BPIFB1: variants seen among roughly 807,000 people sequenced by gnomAD.
The protein encoded by BPIFB1 is BPI fold containing family B member 1, also known as BPI fold-containing family B member 1.
BPIFB1 carries 34 observed loss-of-function variants against 55.1 expected under a neutral mutation model. The ratio of observed to expected loss-of-function variants is 0.62; its 90% confidence interval spans 0.47 to 0.82. The LOEUF (loss-of-function observed/expected upper bound fraction) is 0.82. BPIFB1 is among the 40% of genes least tolerant of loss of function. The pLI, the probability that BPIFB1 is intolerant of heterozygous loss-of-function variation, is 0.00. For missense variants in BPIFB1, 532 were observed against 593.1 expected, an observed-to-expected ratio of 0.90 and a Z score of 1.07; for synonymous variants, 236 against 245.3, an observed-to-expected ratio of 0.96 and a Z score of 0.35.
chr20:33,304,699 G>C, intron 12 of BPIFB1, 147 bp from the exon 13 acceptor site: 1 of 746,878 alleles, frequency 1.3e-6, no homozygotes. Flanking sequence ...TAGAATGCAA[G>C]CTCCACGACG....
At chr20:33,293,066 T>C (rs1163830668) in intron 6 of BPIFB1, among the ~76,000 whole-genome samples, 2 of 152,176 alleles carry the variant, frequency 1.3e-5, no homozygotes, top group African/African-American at 4.8e-5. Context: ...GGATGACAGA[T>C]GAGCACCACC....
At chr20:33,287,733 G>T (rs55654009) in intron 2 of BPIFB1, among the ~76,000 whole-genome samples, 12,236 of 152,220 alleles carry the variant, frequency 0.08, 1,664 homozygotes, top group African/African-American at 0.28. Flanking sequence ...TGCCCCTGGA[G>T]GAAGGGGGCT....
intron 5 of BPIFB1, among the ~76,000 whole-genome samples, chr20:33,291,446 C>A (rs969828026): frequency 6.6e-6 from 1 of 152,216 alleles, no homozygotes; most frequent in African/African-American, 2.4e-5. Flanking sequence ...CCAACACATT[C>A]TCTTCATTTG....
intron 2 of BPIFB1, among the ~76,000 whole-genome samples, chr20:33,287,669 C>T (rs116061842): frequency 3.0e-3 from 464 of 152,262 alleles, no homozygotes; most frequent in African/African-American, 0.01. Context: ...GGCAATCTGA[C>T]GCTAGTGGGT....
At chr20:33,307,075 C>A in intron 15 of BPIFB1, 88 bp downstream of exon 15, 1 of 1,238,732 alleles carries the variant, frequency 8.1e-7, no homozygotes, top group Non-Finnish European at 1.2e-6. Flanking sequence ...GCACTCCAAC[C>A]CCAGCCTACA....
In BPIFB1 at chr20:33,306,013, G is replaced by C; in HGVS notation, c.1266G>C (p.Leu422=). The C allele has an allele frequency of 6.2e-7, 1 of 1,614,118 alleles. No individual in the cohort carries two copies. The highest frequency in any genetic ancestry group is 8.5e-7 in the Non-Finnish European group (1 of 1,180,004). The change falls in exon 14 of 16, where the codon CTG becomes CTC. Residue 422 remains leucine, a synonymous_variant. Coordinates refer to ENST00000253354, the MANE Select transcript of BPIFB1 (RefSeq NM_033197.3). ...TCTCTCTCTCACAGCCTGATGTTCT[G>C]AAAAACATCATCACTGAGATCATCC... The part of the protein sequence containing the change: ...SGIGWFQPDV[L]KNIITEIIHS...
intron 10 of BPIFB1, 144 bp downstream of exon 10, chr20:33,302,556 G>A: frequency 1.1e-6 from 1 of 905,118 alleles, no homozygotes; most frequent in East Asian, 2.6e-5. Flanking sequence ...AGAGATTTCA[G>A]TCTAGCAGGC....
At chr20:33,291,225 C>A in intron 5 of BPIFB1, 119 bp downstream of exon 5, 4 of 1,295,354 alleles carry the variant, frequency 3.1e-6, no homozygotes, top group Non-Finnish European at 2.1e-6. Context: ...AGGGACTTAT[C>A]CCCTCCTGAT....
intron 1 of BPIFB1, among the ~76,000 whole-genome samples, chr20:33,284,516 G>A (rs189769038): frequency 6.6e-6 from 1 of 152,322 alleles, no homozygotes; most frequent in Non-Finnish European, 1.5e-5. Context: ...AGCTTGGTCA[G>A]GGAAGCAGAG....
chr20:33,295,214 CA>C (rs59451968), intron 6 of BPIFB1, among the ~76,000 whole-genome samples: 157 of 119,912 alleles, frequency 1.3e-3, no homozygotes, highest in East Asian at 3.8e-3. Context: ...AACTCTATCT[CA>C]AAAAAAAAAA....
intron 1 of BPIFB1, among the ~76,000 whole-genome samples, chr20:33,284,231 T>C (rs954627926): frequency 3.9e-4 from 59 of 152,324 alleles, no homozygotes; most frequent in African/African-American, 1.3e-3. Flanking sequence ...GGTAAGTCAC[T>C]TGTCAAAGAT....
chr20:33,291,183 CA>C, intron 5 of BPIFB1, 77 bp downstream of exon 5: 1 of 1,544,030 alleles, frequency 6.5e-7, no homozygotes, highest in Non-Finnish European at 8.8e-7. Flanking sequence ...CCCCATTTTA[CA>C]AATGGAGAAC....
At chr20:33,308,905 CACAT>C (rs1007494074) in intron 15 of BPIFB1, among the ~76,000 whole-genome samples, 11 of 151,358 alleles carry the variant, frequency 7.3e-5, no homozygotes, top group African/African-American at 1.9e-4. Flanking sequence ...TACATACACA[CACAT>C]ACACAGAGAC....
At chr20:33,293,625 C>T (rs1362858332) in intron 6 of BPIFB1, among the ~76,000 whole-genome samples, 2 of 152,096 alleles carry the variant, frequency 1.3e-5, no homozygotes, top group Non-Finnish European at 2.9e-5. Flanking sequence ...ATCACTTGAG[C>T]CCAGGATTTG....
chr20:33,290,580 T>C (rs938322010), intron 4 of BPIFB1, among the ~76,000 whole-genome samples: 1 of 152,134 alleles, frequency 6.6e-6, no homozygotes, highest in Non-Finnish European at 1.5e-5. Context: ...AAGTCAACGA[T>C]GACTCCAAGA....
At chr20:33,297,681 G>T (rs1015929119) in intron 7 of BPIFB1, 93 bp downstream of exon 7, 1 of 1,318,288 alleles carries the variant, frequency 7.6e-7, no homozygotes, top group Non-Finnish European at 1.1e-6. Flanking sequence ...CCCAAGTCAG[G>T]CCTGAGCTGC....
intron 1 of BPIFB1, among the ~76,000 whole-genome samples, chr20:33,283,557 G>T (rs1375379397): frequency 3.9e-5 from 6 of 152,068 alleles, no homozygotes; most frequent in Non-Finnish European, 5.9e-5. Context: ...GGTGGTGCTG[G>T]GACAAAAGAA....
At chr20:33,294,447 A>G (rs1164520471) in intron 6 of BPIFB1, among the ~76,000 whole-genome samples, 1 of 152,210 alleles carries the variant, frequency 6.6e-6, no homozygotes, top group Non-Finnish European at 1.5e-5. Context: ...TGAGACTCCG[A>G]CCTTTTAGCA....
At position 33,302,869 on chromosome 20, in the gene BPIFB1, C is replaced by T. The variant is rs780629600; in HGVS notation, c.982-47C>T. ...CAGGCCACACACAGAGCCTGTGGGCCATGGTGGGCACTTGGGAGGCCACAT... is the reference window on the plus strand; with the variant it reads ...CAGGCCACACACAGAGCCTGTGGGCTATGGTGGGCACTTGGGAGGCCACAT... On this transcript the variant is annotated intron_variant, in intron 10 of 15. Transcript: ENST00000253354. The T allele has an allele frequency of 6.2e-6, 10 of 1,604,190 alleles. No individual in the cohort carries two copies. In the South Asian group the frequency reaches 1.1e-4, roughly 18 times the overall value.
Sources: allele counts gnomAD v4.1 joint callset (sites outside exome capture counted in the v4.1 genomes callset), GRCh38; gene constraint gnomAD v4.1.1; transcripts MANE v1.5; gene names NCBI Gene and HGNC (gene_info 2026-07-23, HGNC 2026-07-21).